The following CREB5 variants were observed in gnomAD, a reference collection of about 807,000 sequenced individuals.
The protein encoded by CREB5 is cAMP responsive element binding protein 5, also known as cyclic AMP-responsive element-binding protein 5.
In CREB5, 19 loss-of-function variants were observed where a neutral mutation model predicts 57.1. That is an observed-to-expected ratio of 0.33 (90% CI 0.23 to 0.49). The LOEUF (loss-of-function observed/expected upper bound fraction) is 0.49, where lower values mean the gene tolerates loss of function less well. Among genes scored for constraint, CREB5 ranks in the 20% least tolerant of loss-of-function variants. CREB5 has a pLI of 0.99. For missense variants in CREB5, 579 were observed against 671.6 expected, an observed-to-expected ratio of 0.86 and a Z score of 1.52; for synonymous variants, 238 against 238.3, an observed-to-expected ratio of 1.00 and a Z score of 0.01.
At chr7:28,805,288 C>T (rs373033348) in intron 8 of CREB5, among the ~76,000 whole-genome samples, 3 of 152,096 alleles carry the variant, frequency 2.0e-5, no homozygotes, top group Non-Finnish European at 4.4e-5. Flanking sequence ...ATGTCACCCA[C>T]GGCCAAGAAG....
chr7:28,811,789 A>C (rs1454202282), intron 9 of CREB5, among the ~76,000 whole-genome samples: 1 of 152,236 alleles, frequency 6.6e-6, no homozygotes, highest in African/African-American at 2.4e-5. Context: ...TTCAAAATTG[A>C]GTTAATTTGC....
intron 1 of CREB5, among the ~76,000 whole-genome samples, chr7:28,458,127 G>A (rs1460815109): frequency 1.3e-5 from 2 of 152,140 alleles, no homozygotes; most frequent in South Asian, 2.1e-4. Context: ...ACTGAGAGTT[G>A]GTGACAGACT....
At chr7:28,594,482 T>C (rs1432031735) in intron 5 of CREB5, among the ~76,000 whole-genome samples, 1 of 152,162 alleles carries the variant, frequency 6.6e-6, no homozygotes, top group Non-Finnish European at 1.5e-5. Context: ...CTGGGGTTAT[T>C]GGTCTAGTTA....
At chr7:28,739,955 A>C (rs1229615246) in intron 7 of CREB5, among the ~76,000 whole-genome samples, 1 of 152,216 alleles carries the variant, frequency 6.6e-6, no homozygotes, top group African/African-American at 2.4e-5. Context: ...TAGAGATCTC[A>C]TTCGGCCGTG....
intron 1 of CREB5, among the ~76,000 whole-genome samples, chr7:28,445,826 C>G (rs1789436803): frequency 6.6e-6 from 1 of 152,170 alleles, no homozygotes; most frequent in Non-Finnish European, 1.5e-5. Context: ...GCTGGGATTA[C>G]AGGCGTGAGC....
chr7:28,554,754 G>A (rs1016892010), intron 4 of CREB5, among the ~76,000 whole-genome samples: 1 of 152,170 alleles, frequency 6.6e-6, no homozygotes, highest in Admixed American at 6.5e-5. Flanking sequence ...AGGCCCGGAG[G>A]GCGTTTCCAG....
At chr7:28,324,024 C>A (rs984811418) in intron 1 of CREB5, among the ~76,000 whole-genome samples, 5 of 152,084 alleles carry the variant, frequency 3.3e-5, no homozygotes, top group African/African-American at 1.2e-4. Flanking sequence ...GGTGGTGGAG[C>A]TCAGGAGGTA....
At chr7:28,613,777 C>T (rs1029786210) in intron 5 of CREB5, among the ~76,000 whole-genome samples, 5 of 152,032 alleles carry the variant, frequency 3.3e-5, no homozygotes, top group African/African-American at 7.2e-5. Flanking sequence ...AAATGGCCTC[C>T]GCGGTAATTC....
chr7:28,690,347 A>G (rs1324684966), intron 5 of CREB5, among the ~76,000 whole-genome samples: 2 of 152,178 alleles, frequency 1.3e-5, no homozygotes, highest in African/African-American at 4.8e-5. Context: ...ATGCCTAAGC[A>G]TCACCATAGT....
rs1795655362 is a variant in CREB5 at position 28,570,479 on chromosome 7, CCGT to C, written c.409_411del (p.Ser137del). ...CAACGTTGTGATTCAGCAAGCCATG[CCGT>C]CGCCTCAGTCCAGCTCTGTCATCAC... is the stretch of plus-strand genomic sequence containing the variant. On this transcript the variant is annotated inframe_deletion, in exon 5 of 11. Transcript: ENST00000357727. 5.0e-6 allele frequency: 8 copies of C among 1,614,048 alleles called. No individual in the cohort carries two copies. The highest frequency in any genetic ancestry group is 1.3e-5 in the African/African-American group (1 of 74,918).
At chr7:28,353,150 C>T (rs769852736) in intron 1 of CREB5, among the ~76,000 whole-genome samples, 8 of 151,814 alleles carry the variant, frequency 5.3e-5, no homozygotes, top group South Asian at 2.1e-4. Context: ...AGTTTAATGA[C>T]GCAATCTTGG....
chr7:28,630,695 G>C (rs1798168839), intron 5 of CREB5, among the ~76,000 whole-genome samples: 1 of 152,154 alleles, frequency 6.6e-6, no homozygotes, highest in Non-Finnish European at 1.5e-5. Flanking sequence ...TGATTAAGTA[G>C]ATTTCCATAT....
At chr7:28,348,202 T>A (rs1038305463) in intron 1 of CREB5, among the ~76,000 whole-genome samples, 8 of 151,840 alleles carry the variant, frequency 5.3e-5, no homozygotes, top group African/African-American at 1.9e-4. Flanking sequence ...CAGAAGGAGG[T>A]CATGGCAATA....
At chr7:28,435,714 C>A in intron 1 of CREB5, 2 of 955,332 alleles carry the variant, frequency 2.1e-6, no homozygotes, top group South Asian at 9.7e-5. Context: ...GTATAATACT[C>A]GTGTGACAGA....
At chr7:28,511,931 A>G (rs2128609462) in intron 4 of CREB5, among the ~76,000 whole-genome samples, 1 of 152,336 alleles carries the variant, frequency 6.6e-6, no homozygotes, top group East Asian at 1.9e-4. Context: ...TAGATTAGAG[A>G]TGATAGCAGG....
At chr7:28,393,503 C>T (rs548413574) in intron 1 of CREB5, among the ~76,000 whole-genome samples, 14 of 152,186 alleles carry the variant, frequency 9.2e-5, no homozygotes, top group Non-Finnish European at 1.5e-4. Context: ...CCTATGTTCT[C>T]ACCTAGTCTT....
chr7:28,470,103 G>A (rs1024854916), intron 1 of CREB5, among the ~76,000 whole-genome samples: 10 of 152,060 alleles, frequency 6.6e-5, no homozygotes, highest in African/African-American at 2.2e-4. Flanking sequence ...ATTTTAAAAT[G>A]TACAATTAAG....
intron 1 of CREB5, among the ~76,000 whole-genome samples, chr7:28,426,359 A>G (rs941987937): frequency 1.3e-5 from 2 of 152,222 alleles, no homozygotes; most frequent in African/African-American, 2.4e-5. Context: ...CTAGCTACCA[A>G]GAATTGCTCC....
intron 1 of CREB5, among the ~76,000 whole-genome samples, chr7:28,416,638 G>A (rs1788037562): frequency 6.6e-6 from 1 of 152,296 alleles, no homozygotes; most frequent in East Asian, 1.9e-4. Flanking sequence ...TGACTCCTAG[G>A]AGGAGAAACA....
Sources: allele counts gnomAD v4.1 joint callset (sites outside exome capture counted in the v4.1 genomes callset), GRCh38; gene constraint gnomAD v4.1.1; transcripts MANE v1.5; gene names NCBI Gene and HGNC (gene_info 2026-07-23, HGNC 2026-07-21).